Variants in HIVEP1 observed in about 807,000 individuals in gnomAD.
HIVEP1 encodes the protein zinc finger protein 40.
A neutral mutation model predicts 180.0 loss-of-function variants in HIVEP1; 36 were observed. The ratio of observed to expected loss-of-function variants is 0.20; its 90% CI spans 0.15 to 0.26. HIVEP1 has a LOEUF of 0.26. Among genes scored for constraint, HIVEP1 ranks in the 10% least tolerant of loss-of-function variants. The probability of loss-of-function intolerance (pLI) is 1.00; values close to 1 mark genes in which losing one functional copy is unlikely to be tolerated. For missense variants in HIVEP1, 3,143 were observed against 3,268.7 expected, an observed-to-expected ratio of 0.96 and a Z score of 0.94; for synonymous variants, 1,239 against 1,239.0, an observed-to-expected ratio of 1.00 and a Z score of 0.00.
intron 3 of HIVEP1, among the ~76,000 whole-genome samples, chr6:12,112,953 A>T (rs1774997764): frequency 6.6e-6 from 1 of 151,888 alleles, no homozygotes; most frequent in African/African-American, 2.4e-5. Flanking sequence ...CCCTGTGGTG[A>T]CATCTGCTGC....
At chr6:12,156,268 C>T (rs1302806459) in intron 7 of HIVEP1, among the ~76,000 whole-genome samples, 2 of 151,914 alleles carry the variant, frequency 1.3e-5, no homozygotes, top group East Asian at 3.9e-4. Flanking sequence ...CCCCATTTGT[C>T]AATTTTTCCT....
chr6:12,112,806 T>A (rs1305756921), intron 3 of HIVEP1, among the ~76,000 whole-genome samples: 1 of 152,094 alleles, frequency 6.6e-6, no homozygotes, highest in African/African-American at 2.4e-5. Flanking sequence ...GTCCCTGTGT[T>A]TCCAGCCCCT....
chr6:12,162,457 A>G (rs146410114), intron 8 of HIVEP1, among the ~76,000 whole-genome samples: 317 of 152,344 alleles, frequency 2.1e-3, no homozygotes, highest in African/African-American at 7.0e-3. Context: ...TCACATTGCT[A>G]CAGCAGCTTG....
chr6:12,069,055 A>G (rs1192149260), intron 2 of HIVEP1, among the ~76,000 whole-genome samples: 3 of 152,248 alleles, frequency 2.0e-5, no homozygotes, highest in Non-Finnish European at 2.9e-5. Flanking sequence ...TCATTTAACA[A>G]TGGGATACAT....
intron 2 of HIVEP1, among the ~76,000 whole-genome samples, chr6:12,053,053 C>T (rs1770638277): frequency 6.6e-6 from 1 of 152,146 alleles, no homozygotes; most frequent in African/African-American, 2.4e-5. Flanking sequence ...TTTGCCTTTA[C>T]ACTTCACAGC....
At chr6:12,098,844 C>T (rs1773925383) in intron 3 of HIVEP1, among the ~76,000 whole-genome samples, 1 of 152,174 alleles carries the variant, frequency 6.6e-6, no homozygotes, top group Non-Finnish European at 1.5e-5. Flanking sequence ...TCTTTTATTG[C>T]TTCACTGTGC....
At chr6:12,059,503 C>T (rs905642485) in intron 2 of HIVEP1, among the ~76,000 whole-genome samples, 8 of 152,300 alleles carry the variant, frequency 5.3e-5, no homozygotes, top group Admixed American at 2.0e-4. Context: ...CCCTAAACCT[C>T]AAGATAAAGG....
At chr6:12,157,934 C>T (rs1760158127) in intron 7 of HIVEP1, among the ~76,000 whole-genome samples, 1 of 152,098 alleles carries the variant, frequency 6.6e-6, no homozygotes, top group Non-Finnish European at 1.5e-5. Context: ...ATATTGTTAC[C>T]ATATTTTTTA....
At position 12,123,163 on chromosome 6, in the gene HIVEP1, A is replaced by G; in HGVS notation, c.3368A>G (p.Lys1123Arg). ...CAGATAAGTTCAGCAGCCCAGGACA[A>G]GATAGAACTGCAGAGACACGGAACT... The part of the protein sequence containing the change: ...EQQISSAAQD[K>R]IELQRHGTGI... The change falls in exon 4 of 9, where the codon AAG (lysine) becomes AGG (arginine). Residue 1123 changes from lysine (K) to arginine (R), a missense_variant. Lys to Arg is a conservative substitution (Grantham distance 26, BLOSUM62 2). Around this residue, in one of 12 missense-constraint regions of HIVEP1, gnomAD observed 1,357 missense variants for 1,260.5 expected, o/e 1.08. Transcript: ENST00000379388. 6.2e-7 allele frequency: 1 copy of G among 1,614,236 alleles called. No individual in the cohort carries two copies. Among genetic ancestry groups the G allele is most frequent in the Non-Finnish European group, 8.5e-7 (1 of 1,180,042 alleles).
chr6:12,090,735 CTTTTTTTTTT>C (rs35266647), intron 3 of HIVEP1, among the ~76,000 whole-genome samples: 6 of 82,474 alleles, frequency 7.3e-5, no homozygotes, highest in East Asian at 4.2e-4. Flanking sequence ...TATAGCCAGC[CTTTTTTTTTT>C]TTTTTTTTTT....
chr6:12,128,984 G>A (rs1758258038), intron 4 of HIVEP1, among the ~76,000 whole-genome samples: 1 of 152,166 alleles, frequency 6.6e-6, no homozygotes, highest in African/African-American at 2.4e-5. Context: ...GCTGAGGTGG[G>A]AGGATCACTT....
chr6:12,017,003 G>A (rs1581494682), intron 2 of HIVEP1, among the ~76,000 whole-genome samples: 1 of 152,154 alleles, frequency 6.6e-6, no homozygotes. Context: ...CACAGTTCCT[G>A]GCAGCTAATG....
At chr6:12,070,941 C>T (rs1456574089) in intron 2 of HIVEP1, among the ~76,000 whole-genome samples, 1 of 152,180 alleles carries the variant, frequency 6.6e-6, no homozygotes, top group Non-Finnish European at 1.5e-5. Flanking sequence ...TCCCAATTTT[C>T]TCTAGTGACC....
At position 12,134,545 on chromosome 6, in the gene HIVEP1, A is replaced by G. The variant is rs145217238; in HGVS notation, c.6386-1246A>G. 2.6e-5 allele frequency among the ~76,000 whole-genome samples: 4 copies of G among 152,348 alleles called. No individual in the cohort carries two copies. The East Asian group carries it at 7.7e-4, about 29-fold the overall frequency. On this transcript the variant is annotated intron_variant, in intron 6 of 8. Transcript: ENST00000379388. ...TACTGCAAGCCCGAAATTTGGACCAATGATTCAGACATTTTGAGCTCTTCT... is the reference window on the plus strand; with the variant it reads ...TACTGCAAGCCCGAAATTTGGACCAGTGATTCAGACATTTTGAGCTCTTCT...
intron 2 of HIVEP1, among the ~76,000 whole-genome samples, chr6:12,037,091 A>G (rs1043586451): frequency 6.6e-6 from 1 of 152,152 alleles, no homozygotes; most frequent in Admixed American, 6.5e-5. Flanking sequence ...ACAAGGACCA[A>G]GTTATCTCAG....
chr6:12,145,115 C>T (rs573213473), intron 7 of HIVEP1, among the ~76,000 whole-genome samples: 5 of 152,298 alleles, frequency 3.3e-5, no homozygotes, highest in African/African-American at 1.2e-4. Context: ...GACTTGGAAC[C>T]AACCCAGATG....
intron 7 of HIVEP1, among the ~76,000 whole-genome samples, chr6:12,152,283 G>A (rs1759752421): frequency 6.6e-6 from 1 of 152,232 alleles, no homozygotes; most frequent in African/African-American, 2.4e-5. Flanking sequence ...TATGACAAGT[G>A]TTTTGAGTCC....
chr6:12,089,133 C>G (rs779925732), intron 2 of HIVEP1, 51 bp from the exon 3 acceptor site: 2 of 1,021,440 alleles, frequency 2.0e-6, no homozygotes, highest in Non-Finnish European at 3.0e-6. Context: ...TTACTGTACT[C>G]TTATTTGTTT....
chr6:12,163,728 C>T lies in HIVEP1; in HGVS notation c.7424C>T (p.Pro2475Leu). The change falls in exon 9 of 9, where the codon CCA (proline) becomes CTA (leucine). Residue 2475 changes from proline (P) to leucine (L), a missense_variant. Physicochemically the swap from Pro to Leu is moderately conservative, Grantham distance 98. This residue lies in a region of HIVEP1 where 595 missense variants were observed against 602.2 expected (regional missense o/e 0.99). Transcript: ENST00000379388. Reference protein sequence around the residue: ...PCIPIGQIRVPGLQNLSTPGL... With the variant: ...PCIPIGQIRVLGLQNLSTPGL... ...ATTCCTATCGGCCAAATCCGCGTGC[C>T]AGGCCTTCAGAACCTAAGTACCCCA... The T allele has an allele frequency of 5.6e-6, 9 of 1,614,114 alleles. No individual in the cohort carries two copies. Among genetic ancestry groups the T allele is most frequent in the Non-Finnish European group, 7.6e-6 (9 of 1,180,032 alleles).
Sources: gnomAD v4.1 joint callset for allele counts (sites outside exome capture counted in the v4.1 genomes callset) on GRCh38, gnomAD v4.1.1 for gene constraint, gnomAD v4.1.1 regional missense constraint, MANE v1.5 for transcripts, NCBI Gene and HGNC (gene_info 2026-07-23, HGNC 2026-07-21) for gene names.